The following TAMM41 variants were observed in gnomAD, a reference collection of about 807,000 sequenced individuals.
TAMM41 encodes TAM41 mitochondrial translocator assembly and maintenance homolog.
TAMM41 carries 36 observed loss-of-function variants against 44.1 expected under a neutral mutation model. That is an observed-to-expected ratio of 0.82 (90% CI 0.63 to 1.08). The LOEUF is 1.08. Among genes scored for constraint, TAMM41 ranks in the 50% least tolerant of loss-of-function variants. The pLI is 0.00. For synonymous variants in TAMM41, 164 were observed against 153.1 expected (o/e 1.07, Z -0.53); for missense variants, 417 against 404.3 (o/e 1.03, Z -0.27).
chr3:11,801,240 A>G (rs1291456640), intron 7 of TAMM41, among the ~76,000 whole-genome samples: 1 of 152,206 alleles, frequency 6.6e-6, no homozygotes, highest in Admixed American at 6.5e-5. Flanking sequence ...CTAGAAATCA[A>G]CATAAGAGGA....
At chr3:11,808,234 T>C (rs747099233) in intron 6 of TAMM41, 4 of 1,105,338 alleles carry the variant, frequency 3.6e-6, no homozygotes, top group Non-Finnish European at 4.4e-6. Flanking sequence ...CTCAATTCCA[T>C]AACATGAAAA....
chr3:11,841,239 C>G (rs761960217), intron 2 of TAMM41, among the ~76,000 whole-genome samples: 1 of 151,866 alleles, frequency 6.6e-6, no homozygotes, highest in Non-Finnish European at 1.5e-5. Context: ...TGCACCATCA[C>G]ACCTGACTAA....
chr3:11,745,023 T>G, the TAMM41 span, among the ~76,000 whole-genome samples: 4 of 151,926 alleles, frequency 2.6e-5, no homozygotes, highest in Non-Finnish European at 5.9e-5. Context: ...ACCACCACAC[T>G]CGGTTAATTT....
Position 11,801,872 on chromosome 3 carries a change from TCAGAG to T in TAMM41, c.937+5956_937+5960del, listed in dbSNP as rs199874639. ...AGCAGAAGAAAAGAAATAACAAAGATCAGAGCAGAACTAAATAAAATGGAGACCAA... is the reference window on the plus strand; with the variant it reads ...AGCAGAAGAAAAGAAATAACAAAGATCAGAACTAAATAAAATGGAGACCAA... On this transcript the variant is annotated intron_variant, in intron 7 of 7. Coordinates refer to ENST00000455809, the MANE Select transcript of TAMM41 (RefSeq NM_001284401.2). Among the ~76,000 whole-genome samples the T allele has an allele frequency of 4.8e-3, 729 of 151,890 alleles. 2 individuals are homozygous for T. Among genetic ancestry groups the T allele is most frequent in the Middle Eastern group, 0.027 (8 of 292 alleles).
At chr3:11,800,726 T>C (rs2124932805) in intron 7 of TAMM41, among the ~76,000 whole-genome samples, 1 of 152,232 alleles carries the variant, frequency 6.6e-6, no homozygotes, top group Middle Eastern at 3.4e-3. Context: ...AGTGGGGGAC[T>C]TCGACATTCT....
Position 11,846,573 on chromosome 3 carries a change from C to G in TAMM41, c.64G>C (p.Glu22Gln). The part of the protein sequence containing the change: ...TFRKILSHFP[E>Q]ELSLAFVYGS... Reference sequence around the variant, plus strand: ...TAGACGAAAGCCAGACTCAGCTCCTCGGGGAAGTGAGACAGGATCTTGCGG... The same window carrying G: ...TAGACGAAAGCCAGACTCAGCTCCTGGGGGAAGTGAGACAGGATCTTGCGG... The change falls in exon 1 of 8, where the codon GAG becomes CAG. Residue 22 changes from glutamate to glutamine, a missense_variant. Physicochemically the swap from Glu to Gln is conservative, Grantham distance 29. Transcript: ENST00000455809. The G allele has an allele frequency of 6.2e-7, 1 of 1,614,222 alleles. No homozygotes were observed. The highest frequency in any genetic ancestry group is 8.5e-7 in the Non-Finnish European group (1 of 1,180,046).
At chr3:11,768,198 G>A in the TAMM41 span, among the ~76,000 whole-genome samples, 8 of 151,298 alleles carry the variant, frequency 5.3e-5, no homozygotes, top group African/African-American at 1.7e-4. Context: ...GTGTAGTGGC[G>A]TGACCTCAGG....
the TAMM41 span, among the ~76,000 whole-genome samples, chr3:11,744,416 G>A: frequency 8.6e-5 from 13 of 152,046 alleles, no homozygotes; most frequent in East Asian, 1.4e-3. Flanking sequence ...AATGGCAGCC[G>A]GGCACAGTGG....
intron 7 of TAMM41, among the ~76,000 whole-genome samples, chr3:11,806,895 T>C (rs924478293): frequency 1.3e-5 from 2 of 152,062 alleles, no homozygotes; most frequent in East Asian, 2.0e-4. Flanking sequence ...GCTTTAGACA[T>C]AGACAACAAT....
the TAMM41 span, among the ~76,000 whole-genome samples, chr3:11,755,190 G>A: frequency 3.3e-5 from 5 of 152,132 alleles, no homozygotes; most frequent in African/African-American, 1.2e-4. Context: ...GGTGGACTCA[G>A]GGTAGAAGCA....
At chr3:11,733,578 T>C in the TAMM41 span, among the ~76,000 whole-genome samples, 3 of 151,156 alleles carry the variant, frequency 2.0e-5, no homozygotes, top group African/African-American at 7.3e-5. Flanking sequence ...CTGCAAACTC[T>C]GCCTCCCGGG....
chr3:11,787,611 C>A (rs2077424767), downstream of TAMM41, among the ~76,000 whole-genome samples: 1 of 152,188 alleles, frequency 6.6e-6, no homozygotes, highest in South Asian at 2.1e-4. Flanking sequence ...CATCTAAACT[C>A]ACCATCTGAA....
chr3:11,808,444 C>T (rs1575629635), intron 6 of TAMM41: 7 of 987,306 alleles, frequency 7.1e-6, no homozygotes, highest in Middle Eastern at 1.0e-3. Flanking sequence ...CCTAAACACA[C>T]ACTCTGCAAA....
At chr3:11,735,371 A>T in the TAMM41 span, among the ~76,000 whole-genome samples, 18 of 152,062 alleles carry the variant, frequency 1.2e-4, no homozygotes, top group Non-Finnish European at 2.1e-4. Flanking sequence ...AAAAAATTTT[A>T]AAATTCTTTT....
chr3:11,728,577 C>T, the TAMM41 span, among the ~76,000 whole-genome samples: 4 of 152,202 alleles, frequency 2.6e-5, no homozygotes, highest in Admixed American at 2.6e-4. Context: ...AGCTCATCTC[C>T]ACTGTGACCC....
At chr3:11,812,073 G>A (rs11918982) in intron 5 of TAMM41, among the ~76,000 whole-genome samples, 2,206 of 151,958 alleles carry the variant, frequency 0.015, 63 homozygotes, top group African/African-American at 0.05. Context: ...GATTACAGGC[G>A]CACACCACCA....
intron 7 of TAMM41, chr3:11,807,249 T>C: frequency 7.0e-7 from 1 of 1,433,102 alleles, no homozygotes; most frequent in Non-Finnish European, 9.1e-7. Context: ...AACTGAAAAC[T>C]AATTAGCCAA....
the TAMM41 span, among the ~76,000 whole-genome samples, chr3:11,760,066 A>G: frequency 1.3e-5 from 2 of 152,242 alleles, no homozygotes; most frequent in African/African-American, 4.8e-5. Context: ...AATATTTCCA[A>G]AACACATCTA....
At chr3:11,807,507 A>G in intron 7 of TAMM41, 1 of 1,536,172 alleles carries the variant, frequency 6.5e-7, no homozygotes, top group African/African-American at 1.4e-5. Context: ...GGGAGCACAG[A>G]TGCTGCTGTT....
Sources: allele counts gnomAD v4.1 joint callset (sites outside exome capture counted in the v4.1 genomes callset), GRCh38; gene constraint gnomAD v4.1.1; transcripts MANE v1.5; gene names NCBI Gene and HGNC (gene_info 2026-07-23, HGNC 2026-07-21).